USP26: variants seen among roughly 807,000 people sequenced by gnomAD.
USP26 encodes the protein ubiquitin specific peptidase 26.
For synonymous variants in USP26, 236 were observed against 240.6 expected (o/e 0.98, Z 0.18); for missense variants, 649 against 642.3 (o/e 1.01, Z -0.11).
rs755893825 is a variant in USP26, at chrX:133,025,526, C to T, written c.2695G>A (p.Ala899Thr). 5 of 1,209,305 alleles carry T rather than the reference C, an allele frequency of 4.1e-6. No individual in the cohort carries two copies. Among genetic ancestry groups the T allele is most frequent in the African/African-American group, 1.8e-5 (1 of 57,002 alleles). The change falls in exon 6 of 6, where the codon GCC becomes ACC. Residue 899 changes from alanine (A) to threonine (T), a missense_variant. Physicochemically the swap from Ala to Thr is moderately conservative, Grantham distance 58. Coordinates refer to ENST00000511190, the MANE Select transcript of USP26 (RefSeq NM_031907.3). ...TCTACCTCCTTGCTATTAAGCTGGG[C>T]ATTCTCTTCTCTTTTCAACATCTCT... Reference protein sequence around the residue: ...FEEMLKREENAQLNSKEVEET... With the variant: ...FEEMLKREENTQLNSKEVEET...
intron 5 of USP26, among the ~76,000 whole-genome samples, chrX:133,050,222 C>T (rs1205673928): frequency 8.9e-6 from 1 of 111,940 alleles, no homozygotes; most frequent in African/African-American, 3.2e-5. Flanking sequence ...TTACATACAA[C>T]TTTGCTTCTG....
At position 133,036,770 on chromosome X, in the gene USP26, G is replaced by A. The variant is rs779896996; in HGVS notation, c.-76-8474C>T. ...AATTGCCACACTGTCTTCCACAATG[G>A]TTGAACTAGTTCACACTCCCAATAA... On this transcript the variant is annotated intron_variant, in intron 5 of 5. Transcript: ENST00000511190. Among the ~76,000 whole-genome samples, 4 of 112,263 alleles carry A rather than the reference G, an allele frequency of 3.6e-5. No homozygotes were observed. In the South Asian group the frequency reaches 1.5e-3, roughly 42 times the overall value.
chrX:133,071,757 G>A (rs1029671817), intron 5 of USP26, among the ~76,000 whole-genome samples: 21 of 111,364 alleles, frequency 1.9e-4, no homozygotes, highest in South Asian at 3.8e-4. Context: ...TGTTTATTTC[G>A]TTTGCCTGGT....
At chrX:133,039,353 G>C (rs2067408721) in intron 5 of USP26, among the ~76,000 whole-genome samples, 1 of 111,928 alleles carries the variant, frequency 8.9e-6, no homozygotes, top group Non-Finnish European at 1.9e-5. Context: ...CAGAGATTCT[G>C]TTACATTGTC....
At chrX:133,057,487 A>G (rs1457301799) in intron 5 of USP26, among the ~76,000 whole-genome samples, 1 of 110,349 alleles carries the variant, frequency 9.1e-6, no homozygotes, top group African/African-American at 3.3e-5. Context: ...TTCCCCTTTA[A>G]TTCATATTGT....
rs763897276 is a variant in USP26, at chrX:133,088,504, T to C, written c.-142+1609A>G. On this transcript the variant is annotated intron_variant, in intron 4 of 5. Coordinates refer to ENST00000511190, the MANE Select transcript of USP26 (RefSeq NM_031907.3). ...GCCCGGCTGCTTACCTCTCACTGTG[T>C]GGCCCGGTTCCTAACAGGCCACCGC... Among the ~76,000 whole-genome samples, 11 of 111,375 alleles carry C rather than the reference T, an allele frequency of 9.9e-5. No homozygotes were observed. In the East Asian group the frequency reaches 3.1e-3, roughly 32 times the overall value.
At chrX:133,033,781 C>T (rs1185976056) in intron 5 of USP26, among the ~76,000 whole-genome samples, 1 of 112,069 alleles carries the variant, frequency 8.9e-6, no homozygotes, top group Non-Finnish European at 1.9e-5. Context: ...GATACCTAGT[C>T]AACTATGGAC....
At chrX:133,076,460 T>C (rs1374029679) in intron 5 of USP26, among the ~76,000 whole-genome samples, 1 of 111,374 alleles carries the variant, frequency 9.0e-6, no homozygotes, top group Non-Finnish European at 1.9e-5. Flanking sequence ...GCCTTTAAGA[T>C]GGCCCCCAAC....
intron 5 of USP26, among the ~76,000 whole-genome samples, chrX:133,046,785 GA>G (rs929621134): frequency 8.9e-6 from 1 of 111,998 alleles, no homozygotes; most frequent in African/African-American, 3.2e-5. Flanking sequence ...GTCACCTTTG[GA>G]AAAAAAGGAA....
intron 5 of USP26, among the ~76,000 whole-genome samples, chrX:133,047,646 CA>C (rs2067445253): frequency 9.0e-6 from 1 of 111,656 alleles, no homozygotes. Context: ...ATCCTAACTC[CA>C]AAGTGATGGT....
chrX:133,066,409 T>C (rs746773672), intron 5 of USP26, among the ~76,000 whole-genome samples: 1 of 111,730 alleles, frequency 9.0e-6, no homozygotes, highest in African/African-American at 3.3e-5. Flanking sequence ...GCAGCCCACA[T>C]AACCAAGAGA....
intron 5 of USP26, among the ~76,000 whole-genome samples, chrX:133,040,013 C>T (rs753921181): frequency 1.3e-4 from 15 of 111,299 alleles, no homozygotes; most frequent in African/African-American, 4.9e-4. Context: ...AAGATTGCAA[C>T]TCCTGCTTTT....
In USP26 at chrX:133,023,714, C is replaced by T. The variant is rs1234410596; in HGVS notation, c.*1765G>A. Among the ~76,000 whole-genome samples the T allele has an allele frequency of 8.9e-6, 1 of 111,821 alleles. No individual in the cohort carries two copies. The highest frequency in any genetic ancestry group is 3.2e-5 in the African/African-American group (1 of 30,774). ...CTCATAAGACCTCCTTCTAGATAAA[C>T]TGTGTTCTGAATACAATCTCCAAAC... On this transcript the variant is annotated 3_prime_UTR_variant, in exon 6 of 6. Coordinates refer to ENST00000511190, the MANE Select transcript of USP26 (RefSeq NM_031907.3).
chrX:133,094,128 G>C (rs1030315746), intron 1 of USP26, among the ~76,000 whole-genome samples: 3 of 111,375 alleles, frequency 2.7e-5, no homozygotes, highest in Non-Finnish European at 5.6e-5. Flanking sequence ...TTTTGAGAGA[G>C]ACTAAAGTTT....
intron 5 of USP26, among the ~76,000 whole-genome samples, chrX:133,067,551 AG>A (rs1230960727): frequency 8.9e-6 from 1 of 112,737 alleles, no homozygotes; most frequent in Non-Finnish European, 1.9e-5. Context: ...GCCATAAAAA[AG>A]AATGAGTTCA....
At chrX:133,062,523 C>G (rs1049316709) in intron 5 of USP26, among the ~76,000 whole-genome samples, 1 of 111,934 alleles carries the variant, frequency 8.9e-6, no homozygotes, top group Non-Finnish European at 1.9e-5. Flanking sequence ...TGGCTGGCAA[C>G]AGGCCGGCAC....
intron 4 of USP26, 122 bp from the exon 5 acceptor site, chrX:133,083,893 C>T (rs1366746072): frequency 8.9e-6 from 1 of 111,914 alleles, no homozygotes. Flanking sequence ...TTCCAGTTCC[C>T]ATCTTTCCCT....
At chrX:133,064,199 C>T (rs1172732988) in intron 5 of USP26, among the ~76,000 whole-genome samples, 1 of 111,949 alleles carries the variant, frequency 8.9e-6, no homozygotes, top group Non-Finnish European at 1.9e-5. Flanking sequence ...TATACATGCA[C>T]CCAATACAGG....
chrX:133,063,274 G>C (rs2067499729), intron 5 of USP26, among the ~76,000 whole-genome samples: 2 of 111,311 alleles, frequency 1.8e-5, no homozygotes, highest in Non-Finnish European at 3.8e-5. Flanking sequence ...GAAAGTGATG[G>C]GGAGAATGGA....
Sources: gnomAD v4.1 joint callset for allele counts (sites outside exome capture counted in the v4.1 genomes callset) on GRCh38, gnomAD v4.1.1 for gene constraint, MANE v1.5 for transcripts, NCBI Gene and HGNC (gene_info 2026-07-23, HGNC 2026-07-21) for gene names.